Variants in ESR1 observed in about 807,000 individuals in gnomAD.
ESR1 encodes estrogen receptor 1.
ESR1 carries 12 observed loss-of-function variants against 52.7 expected under a neutral mutation model. The observed-to-expected ratio is 0.23, with a 90% confidence interval of 0.15 to 0.37. ESR1 has a LOEUF of 0.37. ESR1 is among the 10% of genes least tolerant of loss of function. ESR1 has a pLI of 1.00. For synonymous variants in ESR1, 305 were observed against 316.8 expected (o/e 0.96, Z 0.39); for missense variants, 584 against 779.7 (o/e 0.75, Z 2.99).
At chr6:151,749,810 G>A (rs545619361) in intron 2 of ESR1, among the ~76,000 whole-genome samples, 1 of 152,130 alleles carries the variant, frequency 6.6e-6, no homozygotes, top group Non-Finnish European at 1.5e-5. Context: ...AAAAAGAACT[G>A]CTAGACAGAG....
intron 6 of ESR1, among the ~76,000 whole-genome samples, chr6:152,108,810 C>T (rs1486158904): frequency 6.6e-6 from 1 of 152,208 alleles, no homozygotes; most frequent in African/African-American, 2.4e-5. Context: ...CTCAGAATTA[C>T]CACGTTTAGA....
At chr6:151,794,070 TA>T (rs1776459341) in intron 2 of ESR1, among the ~76,000 whole-genome samples, 1 of 152,258 alleles carries the variant, frequency 6.6e-6, no homozygotes, top group Admixed American at 6.5e-5. Flanking sequence ...AGGGTTAGCA[TA>T]AACTCTCCTT....
At chr6:151,948,646 C>G (rs1003477362) in intron 4 of ESR1, among the ~76,000 whole-genome samples, 1 of 152,138 alleles carries the variant, frequency 6.6e-6, no homozygotes. Context: ...CTAGAAGGCC[C>G]CTCTTCCTCC....
At chr6:152,023,567 T>G (rs1469731387) in intron 5 of ESR1, among the ~76,000 whole-genome samples, 1 of 152,184 alleles carries the variant, frequency 6.6e-6, no homozygotes, top group East Asian at 1.9e-4. Flanking sequence ...TTATAATAAT[T>G]CTGTGATATC....
chr6:151,882,850 A>G (rs1360316909), intron 3 of ESR1, among the ~76,000 whole-genome samples: 1 of 152,122 alleles, frequency 6.6e-6, no homozygotes, highest in African/African-American at 2.4e-5. Flanking sequence ...AAAAATTCAT[A>G]TATGCAAAGA....
intron 2 of ESR1, among the ~76,000 whole-genome samples, chr6:151,879,359 A>T (rs1792394693): frequency 6.6e-6 from 1 of 152,188 alleles, no homozygotes; most frequent in African/African-American, 2.4e-5. Context: ...GGGGTAACTA[A>T]GGTGGAAAAC....
chr6:151,888,027 A>T (rs1478751771), intron 3 of ESR1, among the ~76,000 whole-genome samples: 1 of 152,108 alleles, frequency 6.6e-6, no homozygotes, highest in Non-Finnish European at 1.5e-5. Flanking sequence ...TGGGTTCTCT[A>T]TTCTGTTCCA....
intron 6 of ESR1, among the ~76,000 whole-genome samples, chr6:152,093,579 C>G (rs962340176): frequency 2.0e-5 from 3 of 152,134 alleles, no homozygotes; most frequent in African/African-American, 7.2e-5. Context: ...CCAGAGGCAC[C>G]AGGCACTGTG....
intron 3 of ESR1, among the ~76,000 whole-genome samples, chr6:151,899,102 C>T (rs1359324731): frequency 2.5e-4 from 34 of 135,560 alleles, no homozygotes; most frequent in Admixed American, 4.2e-4. Context: ...CCCTCCCGGA[C>T]GGGGCGGCTG....
At chr6:151,865,480 C>T (rs931071544) in intron 2 of ESR1, among the ~76,000 whole-genome samples, 3 of 152,208 alleles carry the variant, frequency 2.0e-5, no homozygotes, top group Non-Finnish European at 2.9e-5. Context: ...CACCCAGGAT[C>T]GCATGGAGCT....
intron 1 of ESR1, among the ~76,000 whole-genome samples, chr6:151,817,448 G>A (rs1779843861): frequency 6.6e-6 from 1 of 152,156 alleles, no homozygotes; most frequent in Non-Finnish European, 1.5e-5. Context: ...ACCATGAGGA[G>A]CACTATTCAA....
intron 6 of ESR1, among the ~76,000 whole-genome samples, chr6:152,111,453 G>A (rs1048830466): frequency 3.3e-5 from 5 of 152,194 alleles, no homozygotes; most frequent in Non-Finnish European, 7.3e-5. Context: ...TCAGTGCGCT[G>A]CTAGGCCTTT....
chr6:151,797,566 C>T (rs962279556), intron 2 of ESR1, among the ~76,000 whole-genome samples: 15 of 152,192 alleles, frequency 9.9e-5, no homozygotes, highest in African/African-American at 3.6e-4. Flanking sequence ...AATCATTAGC[C>T]TATTTGATTT....
intron 1 of ESR1, among the ~76,000 whole-genome samples, chr6:151,670,898 A>G (rs899373069): frequency 6.7e-6 from 1 of 150,374 alleles, no homozygotes; most frequent in African/African-American, 2.5e-5. Flanking sequence ...CTTCCCGAGT[A>G]GCTGGGATTA....
At chr6:151,724,218 C>T (rs369266109) in intron 2 of ESR1, among the ~76,000 whole-genome samples, 13 of 152,212 alleles carry the variant, frequency 8.5e-5, no homozygotes, top group East Asian at 5.8e-4. Context: ...CAATTAGATC[C>T]ACAAATACCT....
At chr6:152,058,568 A>C (rs2047294137) in intron 5 of ESR1, among the ~76,000 whole-genome samples, 1 of 152,172 alleles carries the variant, frequency 6.6e-6, no homozygotes. Context: ...TTTATTTGGG[A>C]ATAGGATGAC....
chr6:152,100,734 A>G lies in ESR1; in HGVS notation c.*1768A>G, dbSNP rs1341059807. On this transcript the variant is annotated 3_prime_UTR_variant, in exon 8 of 8. Transcript: ENST00000206249. Reference sequence around the variant, plus strand: ...GGATTTCATTCATTTCTGATTGTCCAGTTAAGTGATCACCAAAGGACTGAG... The same window carrying G: ...GGATTTCATTCATTTCTGATTGTCCGGTTAAGTGATCACCAAAGGACTGAG... 2.2e-5 allele frequency: 5 copies of G among 225,502 alleles called. No homozygotes were observed. Among genetic ancestry groups the G allele is most frequent in the Non-Finnish European group, 4.4e-5 (5 of 113,764 alleles). 14.0% of individuals were successfully genotyped at this position (225,502 alleles called of 1,614,324 possible).
rs530746184 is a variant in ESR1 at position 151,828,067 on chromosome 6, A to T, written c.453-14530A>T. Among the ~76,000 whole-genome samples the T allele has an allele frequency of 4.6e-5, 7 of 152,342 alleles. No homozygotes were observed. The South Asian group carries it at 1.5e-3, about 32-fold the overall frequency. ...GTTTAGAAAATCCTAGTAAACTGGA[A>T]GTGACTTATCCAAAATTAAAATTTA... On this transcript the variant is annotated intron_variant, in intron 1 of 7. Transcript: ENST00000206249.
chr6:152,095,428 G>A (rs1192628558), intron 7 of ESR1, among the ~76,000 whole-genome samples: 1 of 152,148 alleles, frequency 6.6e-6, no homozygotes, highest in Non-Finnish European at 1.5e-5. Context: ...ACACATCTGG[G>A]AGGCAGCTGC....
Sources: allele counts gnomAD v4.1 joint callset (sites outside exome capture counted in the v4.1 genomes callset), GRCh38; gene constraint gnomAD v4.1.1; transcripts MANE v1.5; gene names NCBI Gene and HGNC (gene_info 2026-07-23, HGNC 2026-07-21).